Variants in MAP3K5 observed in about 807,000 individuals in gnomAD.
MAP3K5 encodes the protein ASK-1.
Under a neutral mutation model 158.7 loss-of-function variants are expected in MAP3K5, and 56 were observed. The observed-to-expected ratio is 0.35, with a 90% confidence interval of 0.28 to 0.44. MAP3K5 has a LOEUF of 0.44. Ranked by LOEUF, MAP3K5 falls within the 20% of genes least tolerant of loss-of-function variation. MAP3K5 has a pLI of 1.00. For missense variants in MAP3K5, 1,294 were observed against 1,674.8 expected (o/e 0.77, Z 3.97); for synonymous variants, 579 against 601.7 (o/e 0.96, Z 0.55).
At chr6:136,715,059 T>C (rs1025215721) in intron 2 of MAP3K5, among the ~76,000 whole-genome samples, 26 of 152,182 alleles carry the variant, frequency 1.7e-4, no homozygotes, top group African/African-American at 6.3e-4. Context: ...AAAATACAAC[T>C]AAATTTTTTG....
intron 7 of MAP3K5, among the ~76,000 whole-genome samples, chr6:136,676,980 C>G (rs1327889558): frequency 6.7e-6 from 1 of 149,696 alleles, no homozygotes; most frequent in African/African-American, 2.5e-5. Flanking sequence ...TTAGTAGAGA[C>G]AAGGTTTCAC....
intron 1 of MAP3K5, among the ~76,000 whole-genome samples, chr6:136,725,021 T>C (rs1384436342): frequency 6.6e-6 from 1 of 152,204 alleles, no homozygotes; most frequent in Non-Finnish European, 1.5e-5. Context: ...GTCATATAAA[T>C]GGAATCATAC....
intron 1 of MAP3K5, among the ~76,000 whole-genome samples, chr6:136,787,805 G>A (rs910283597): frequency 1.3e-5 from 2 of 152,162 alleles, no homozygotes; most frequent in African/African-American, 4.8e-5. Context: ...CTAATATGAG[G>A]GACCATGTTC....
chr6:136,587,303 G>GA (rs1334698680), intron 23 of MAP3K5, among the ~76,000 whole-genome samples: 3 of 152,080 alleles, frequency 2.0e-5, no homozygotes, highest in Non-Finnish European at 4.4e-5. Context: ...ATTGATTGTA[G>GA]AAAAAAATTA....
intron 1 of MAP3K5, among the ~76,000 whole-genome samples, chr6:136,759,124 T>A (rs1435597770): frequency 6.6e-6 from 1 of 152,058 alleles, no homozygotes; most frequent in Admixed American, 6.6e-5. Context: ...TGAGCCAAGA[T>A]TACGCCACTG....
chr6:136,610,533 CAAATGGG>C (rs1215855340), intron 18 of MAP3K5, among the ~76,000 whole-genome samples: 1 of 145,580 alleles, frequency 6.9e-6, no homozygotes, highest in Non-Finnish European at 1.5e-5. Context: ...ATTCATCGTC[CAAATGGG>C]AAGTGATTAG....
chr6:136,600,187 ATTTTTTT>A (rs907571176), intron 21 of MAP3K5, among the ~76,000 whole-genome samples: 20 of 132,728 alleles, frequency 1.5e-4, no homozygotes, highest in African/African-American at 5.8e-4. Flanking sequence ...CATGCTGTTA[ATTTTTTT>A]TTTTTTTTTT....
At chr6:136,733,001 A>G (rs112653635) in intron 1 of MAP3K5, among the ~76,000 whole-genome samples, 276 of 152,252 alleles carry the variant, frequency 1.8e-3, no homozygotes, top group African/African-American at 6.2e-3. Flanking sequence ...TCAAGCACAT[A>G]GTACTTTTTC....
At chr6:136,630,280 G>C (rs1472026541) in intron 14 of MAP3K5, 1 of 152,222 alleles carries the variant, frequency 6.6e-6, no homozygotes. Context: ...AATCTCTTCT[G>C]ATCTCGGAAG....
intron 1 of MAP3K5, among the ~76,000 whole-genome samples, chr6:136,780,759 C>T (rs533108405): frequency 4.3e-4 from 65 of 152,188 alleles, no homozygotes; most frequent in Non-Finnish European, 7.9e-4. Flanking sequence ...GCATAAGTGT[C>T]TGTTAAACTA....
At chr6:136,567,536 A>G in intron 26 of MAP3K5, 95 bp downstream of exon 26, 2 of 1,273,980 alleles carry the variant, frequency 1.6e-6, no homozygotes, top group Non-Finnish European at 2.1e-6. Context: ...GTTTCCATGA[A>G]TGGGATAAGG....
chr6:136,726,395 C>T (rs567125413), intron 1 of MAP3K5, among the ~76,000 whole-genome samples: 1 of 152,306 alleles, frequency 6.6e-6, no homozygotes, highest in Admixed American at 6.5e-5. Flanking sequence ...GAGTTTGAGA[C>T]CAGCCTGGCC....
chr6:136,564,450 G>A (rs1456470600), intron 26 of MAP3K5, among the ~76,000 whole-genome samples: 1 of 152,202 alleles, frequency 6.6e-6, no homozygotes, highest in Non-Finnish European at 1.5e-5. Flanking sequence ...AGAAGAGGGA[G>A]CACAGGGTCT....
At chr6:136,745,794 A>G (rs1451503686) in intron 1 of MAP3K5, among the ~76,000 whole-genome samples, 1 of 152,250 alleles carries the variant, frequency 6.6e-6, no homozygotes, top group African/African-American at 2.4e-5. Flanking sequence ...TATTTTCAAT[A>G]AAGGCATAGA....
At chr6:136,786,657 A>G (rs1199080950) in intron 1 of MAP3K5, among the ~76,000 whole-genome samples, 3 of 152,212 alleles carry the variant, frequency 2.0e-5, no homozygotes, top group African/African-American at 7.2e-5. Context: ...GTAGTCAAAG[A>G]AGAAATTAAA....
chr6:136,583,788 C>A (rs1774993913), intron 23 of MAP3K5, 48 bp from the exon 24 acceptor site: 2 of 1,549,172 alleles, frequency 1.3e-6, no homozygotes, highest in South Asian at 2.3e-5. Context: ...GCTGGATATA[C>A]CTGCCATGGT....
At chr6:136,583,455 C>T (rs1381194173) in intron 24 of MAP3K5, 100 bp downstream of exon 24, 1 of 1,088,122 alleles carries the variant, frequency 9.2e-7, no homozygotes, top group Non-Finnish European at 1.3e-6. Context: ...GAATAGAGTT[C>T]ACTGGAATTT....
At chr6:136,767,401 A>G (rs1029589541) in intron 1 of MAP3K5, among the ~76,000 whole-genome samples, 5 of 151,566 alleles carry the variant, frequency 3.3e-5, no homozygotes, top group South Asian at 4.2e-4. Flanking sequence ...AGGGGTGAGG[A>G]AGGAGGAAGG....
intron 1 of MAP3K5, among the ~76,000 whole-genome samples, chr6:136,723,279 TA>T (rs1428856289): frequency 6.6e-6 from 1 of 151,806 alleles, no homozygotes; most frequent in Non-Finnish European, 1.5e-5. Flanking sequence ...AAAAGTAGAA[TA>T]AGACTTAGCA....
Sources: gnomAD v4.1 joint callset for allele counts (sites outside exome capture counted in the v4.1 genomes callset) on GRCh38, gnomAD v4.1.1 for gene constraint, MANE v1.5 for transcripts, NCBI Gene and HGNC (gene_info 2026-07-23, HGNC 2026-07-21) for gene names.